The following SGK1 variants were observed in gnomAD, a reference collection of about 807,000 sequenced individuals.
The protein encoded by SGK1 is serine/threonine-protein kinase Sgk1.
Under a neutral mutation model 64.2 loss-of-function variants are expected in SGK1, and 26 were observed. The ratio of observed to expected loss-of-function variants is 0.40; its 90% CI spans 0.30 to 0.56. The LOEUF (loss-of-function observed/expected upper bound fraction) is 0.56, where lower values mean the gene tolerates loss of function less well. SGK1 is among the 20% of genes least tolerant of loss of function. The pLI is 0.38. For synonymous variants in SGK1, 265 were observed against 239.7 expected (o/e 1.11, Z -0.98); for missense variants, 519 against 645.6 (o/e 0.80, Z 2.12).
intron 3 of SGK1, among the ~76,000 whole-genome samples, chr6:134,183,081 T>G (rs962692928): frequency 6.6e-6 from 1 of 152,218 alleles, no homozygotes; most frequent in South Asian, 2.1e-4. Flanking sequence ...CCTGCAGGAA[T>G]GAGAAGAGGA....
At chr6:134,248,114 A>AT (rs1045589415) in intron 2 of SGK1, among the ~76,000 whole-genome samples, 7 of 151,832 alleles carry the variant, frequency 4.6e-5, no homozygotes, top group African/African-American at 1.2e-4. Context: ...CACATAAGCT[A>AT]TTTTTTTCCC....
rs114902362 is a variant in SGK1 at position 134,194,046 on chromosome 6, G to A, written c.361+13310C>T. Among the ~76,000 whole-genome samples the A allele has an allele frequency of 6.8e-3, 1,031 of 151,822 alleles. 16 individuals are homozygous for A. Among genetic ancestry groups the A allele is most frequent in the African/African-American group, 0.023 (961 of 41,414 alleles). On this transcript the variant is annotated intron_variant, in intron 3 of 13. Transcript: ENST00000367858. ...ACTCAGACTGGGACAACGTGAACAC[G>A]CCAATGAACCTCAACATGCATATCT...
At chr6:134,215,814 C>T (rs1053023647) in intron 2 of SGK1, among the ~76,000 whole-genome samples, 1 of 151,924 alleles carries the variant, frequency 6.6e-6, no homozygotes, top group Non-Finnish European at 1.5e-5. Flanking sequence ...GCTGGGAGTT[C>T]GAGACCAGCC....
chr6:134,182,345 C>T (rs1247615066), intron 3 of SGK1, among the ~76,000 whole-genome samples: 1 of 151,516 alleles, frequency 6.6e-6, no homozygotes, highest in Non-Finnish European at 1.5e-5. Context: ...GTCAGGAGTT[C>T]GAAACCAGCA....
chr6:134,235,429 G>A (rs572047094), intron 2 of SGK1, among the ~76,000 whole-genome samples: 1 of 151,906 alleles, frequency 6.6e-6, no homozygotes, highest in Non-Finnish European at 1.5e-5. Flanking sequence ...AGATGAAAAT[G>A]TAACTTCAAA....
intron 1 of SGK1, among the ~76,000 whole-genome samples, chr6:134,275,360 T>C (rs1057153890): frequency 6.6e-6 from 1 of 152,168 alleles, no homozygotes; most frequent in South Asian, 2.1e-4. Flanking sequence ...CTTTTTAATC[T>C]TAACCTCACT....
At chr6:134,177,885 A>C in intron 3 of SGK1, 1 of 1,529,288 alleles carries the variant, frequency 6.5e-7, no homozygotes, top group South Asian at 1.2e-5. Flanking sequence ...TATCAAGGCA[A>C]TTTAAGTACA....
intron 3 of SGK1, among the ~76,000 whole-genome samples, chr6:134,188,999 G>A (rs552755245): frequency 2.7e-5 from 4 of 148,228 alleles, no homozygotes; most frequent in Admixed American, 6.8e-5. Flanking sequence ...TCCCACCTTG[G>A]TCTCCCAAAA....
intron 2 of SGK1, among the ~76,000 whole-genome samples, chr6:134,223,695 T>C (rs1004299781): frequency 2.6e-5 from 4 of 152,242 alleles, no homozygotes; most frequent in African/African-American, 9.6e-5. Context: ...TGTTTAACTT[T>C]GTTTTAGCAA....
chr6:134,297,853 T>A (rs1582771404), intron 1 of SGK1: 1 of 769,032 alleles, frequency 1.3e-6, no homozygotes, highest in African/African-American at 1.7e-5. Context: ...CCAGCCAGCA[T>A]CTGCAGCTCC....
intron 3 of SGK1, chr6:134,180,325 T>C (rs1376228948): frequency 1.3e-5 from 2 of 152,310 alleles, no homozygotes; most frequent in African/African-American, 4.8e-5. Flanking sequence ...CATCTCCATC[T>C]TGGCAATGTT....
intron 1 of SGK1, among the ~76,000 whole-genome samples, chr6:134,292,363 C>G (rs984337391): frequency 2.0e-5 from 3 of 152,058 alleles, no homozygotes; most frequent in African/African-American, 7.2e-5. Flanking sequence ...GAGGCCGAGG[C>G]GGGTGGATCA....
At chr6:134,260,543 G>T (rs1251294896) in intron 2 of SGK1, 1 of 151,956 alleles carries the variant, frequency 6.6e-6, no homozygotes, top group Non-Finnish European at 1.5e-5. Flanking sequence ...GTGGTGTTGG[G>T]TGCCTGTAAT....
At chr6:134,195,431 A>C (rs932707077) in intron 3 of SGK1, among the ~76,000 whole-genome samples, 2 of 152,194 alleles carry the variant, frequency 1.3e-5, no homozygotes, top group Non-Finnish European at 2.9e-5. Flanking sequence ...TGTTGAGCTA[A>C]ACTGAGCCTA....
At chr6:134,174,174 C>A (rs910170385) in intron 4 of SGK1, 94 bp from the exon 5 acceptor site, 12 of 848,618 alleles carry the variant, frequency 1.4e-5, no homozygotes, top group African/African-American at 3.4e-5. Flanking sequence ...CGACTTCTAC[C>A]CGGATAATTC....
At chr6:134,184,905 G>T (rs1023144779) in intron 3 of SGK1, among the ~76,000 whole-genome samples, 1 of 152,084 alleles carries the variant, frequency 6.6e-6, no homozygotes, top group Non-Finnish European at 1.5e-5. Context: ...GGCTGGTCTC[G>T]AACTCCTGGG....
rs73560881 is a variant in SGK1 at position 134,221,562 on chromosome 6, A to C, written c.286-14131T>G. ...TTCCTGCTTTATTTTTCTCCATGAC[A>C]CTTACCTCCTAATAAGTAATTTTCT... On this transcript the variant is annotated intron_variant, in intron 2 of 13. Coordinates refer to ENST00000367858, the MANE Select transcript of SGK1 (RefSeq NM_001143676.3). 1.8e-3 allele frequency among the ~76,000 whole-genome samples: 277 copies of C among 151,846 alleles called. 1 individual carries two copies. The highest frequency in any genetic ancestry group is 6.3e-3 in the African/African-American group (261 of 41,400).
chr6:134,317,506 G>C lies in SGK1; in HGVS notation c.-46C>G, dbSNP rs556819686. 4 of 1,205,198 alleles carry C rather than the reference G, an allele frequency of 3.3e-6. No individual in the cohort carries two copies. The highest frequency in any genetic ancestry group is 2.5e-6 in the Non-Finnish European group (2 of 806,414). The allele number at this position is 1,205,198 out of a possible 1,614,324, so 74.7% of individuals were successfully genotyped here. A position where few individuals can be genotyped will look rare whatever the true frequency, so the allele number is the denominator to read the frequency against. On this transcript the variant is annotated 5_prime_UTR_variant, in exon 1 of 14. Transcript: ENST00000367858. ...CAGTTATAGATCCAGGTTGGCACCC[G>C]CCTGGTTAGTGCATATCTGTTTCCC...
At chr6:134,264,309 C>T (rs1776815716) in intron 1 of SGK1, among the ~76,000 whole-genome samples, 2 of 151,776 alleles carry the variant, frequency 1.3e-5, no homozygotes, top group Admixed American at 1.3e-4. Flanking sequence ...TTAGTAGAGA[C>T]CGGGTTTCAT....
Sources: gnomAD v4.1 joint callset for allele counts (sites outside exome capture counted in the v4.1 genomes callset) on GRCh38, gnomAD v4.1.1 for gene constraint, MANE v1.5 for transcripts, NCBI Gene and HGNC (gene_info 2026-07-23, HGNC 2026-07-21) for gene names.